The following ZNF25 variants were observed in gnomAD, a reference collection of about 807,000 sequenced individuals.
The protein encoded by ZNF25 is zinc finger protein 25.
In ZNF25, 21 loss-of-function variants were observed where a neutral mutation model predicts 30.9. The ratio of observed to expected loss-of-function variants is 0.68; its 90% CI spans 0.48 to 0.98. The LOEUF is 0.98. Among genes scored for constraint, ZNF25 ranks in the 50% least tolerant of loss-of-function variants. ZNF25 has a pLI of 0.00. For missense variants in ZNF25, 501 were observed against 529.9 expected (o/e 0.95, Z 0.54); for synonymous variants, 169 against 181.3 (o/e 0.93, Z 0.55).
chr10:37,967,171 T>A (rs28800635), intron 2 of ZNF25, among the ~76,000 whole-genome samples: 2 of 152,130 alleles, frequency 1.3e-5, no homozygotes, highest in East Asian at 1.9e-4. Flanking sequence ...AAACTCCCAA[T>A]GGCTTTTGCA....
intron 3 of ZNF25, 30 bp downstream of exon 3, chr10:37,957,389 TG>T (rs1554886157): frequency 2.5e-6 from 4 of 1,604,176 alleles, no homozygotes; most frequent in Non-Finnish European, 3.4e-6. Flanking sequence ...TGCAAACTAC[TG>T]GGATTTACAC....
chr10:37,955,109 G>A (rs1397263331), intron 4 of ZNF25, among the ~76,000 whole-genome samples: 1 of 151,534 alleles, frequency 6.6e-6, no homozygotes, highest in East Asian at 1.9e-4. Context: ...AGCTGAGATC[G>A]CACCACTGCA....
At chr10:37,957,213 C>G in intron 3 of ZNF25, 98 bp from the exon 4 acceptor site, 2 of 1,360,742 alleles carry the variant, frequency 1.5e-6, no homozygotes, top group Non-Finnish European at 2.0e-6. Flanking sequence ...AATGAAGGTT[C>G]CAGTTAGGCT....
At chr10:37,966,510 C>G (rs2063196050) in intron 2 of ZNF25, among the ~76,000 whole-genome samples, 1 of 152,032 alleles carries the variant, frequency 6.6e-6, no homozygotes. Context: ...GGAAGCATGG[C>G]TGTGTAGGCC....
At position 37,963,487 on chromosome 10, in the gene ZNF25, T is replaced by C. The variant is rs188951905; in HGVS notation, c.16-5941A>G. On this transcript the variant is annotated intron_variant, in intron 2 of 5. Transcript: ENST00000302609. ...GGGGAGAAAATGTGTGGCACTTTTTTCTTACTGGCCTACTGATACAGTTTG... is the reference window on the plus strand; with the variant it reads ...GGGGAGAAAATGTGTGGCACTTTTTCCTTACTGGCCTACTGATACAGTTTG... Among the ~76,000 whole-genome samples the C allele has an allele frequency of 1.6e-3, 247 of 152,290 alleles. 3 individuals are homozygous for C. The highest frequency in any genetic ancestry group is 5.6e-3 in the African/African-American group (234 of 41,562).
chr10:37,953,368 T>C (rs1039085606), intron 5 of ZNF25, 173 bp from the exon 6 acceptor site: 5 of 648,626 alleles, frequency 7.7e-6, no homozygotes, highest in South Asian at 4.2e-5. Context: ...ACCTGCACTG[T>C]AGTTTAACAT....
rs1590172651 is a variant in ZNF25, at chr10:37,952,544, T to C, written c.954A>G (p.Glu318=). ...HTGEKPYECK[E]CRKCFYQKSA... The stretch of plus-strand genomic sequence containing the variant: ...ACTTCTGGTAGAAGCATTTCCTACA[T>C]TCCTTACATTCATAGGGTTTCTCTC... The change falls in exon 6 of 6, where the codon GAA becomes GAG. Residue 318 remains glutamate (E), a synonymous_variant. Coordinates refer to ENST00000302609, the MANE Select transcript of ZNF25 (RefSeq NM_145011.4). 1.2e-6 allele frequency: 2 copies of C among 1,613,668 alleles called. No homozygotes were observed. Among genetic ancestry groups the C allele is most frequent in the Non-Finnish European group, 8.5e-7 (1 of 1,179,862 alleles).
intron 4 of ZNF25, 125 bp downstream of exon 4, chr10:37,956,895 A>G: frequency 2.9e-6 from 2 of 699,782 alleles, no homozygotes; most frequent in East Asian, 5.4e-5. Context: ...AGCCTGGACA[A>G]CAAGAGTGAA....
intron 2 of ZNF25, among the ~76,000 whole-genome samples, chr10:37,970,945 G>C (rs941499919): frequency 2.6e-5 from 4 of 152,072 alleles, no homozygotes; most frequent in Non-Finnish European, 5.9e-5. Context: ...CTCCTAAATT[G>C]CTTGAGTTTG....
In ZNF25 at chr10:37,956,989, G is replaced by GT. The variant is rs370409300; in HGVS notation, c.238+30dup. On this transcript the variant is annotated intron_variant, in intron 4 of 5. Transcript: ENST00000302609. The stretch of plus-strand genomic sequence containing the variant: ...GGCAAGAGGCACCAACTACTCACCA[G>GT]TAACATGGGATATAATTTCTTCTAA... 1.9e-5 allele frequency: 30 copies of GT among 1,553,658 alleles called. No individual in the cohort carries two copies. In the African/African-American group the frequency reaches 2.9e-4, roughly 15 times the overall value.
intron 2 of ZNF25, among the ~76,000 whole-genome samples, chr10:37,970,668 A>AGAGGAAGTC (rs1314580964): frequency 3.0e-4 from 45 of 152,284 alleles, no homozygotes; most frequent in Middle Eastern, 3.4e-3. Flanking sequence ...AGGGCCATAC[A>AGAGGAAGTC]TATTCTAGCT....
intron 4 of ZNF25, among the ~76,000 whole-genome samples, chr10:37,954,137 A>T (rs558824838): frequency 6.6e-6 from 1 of 152,344 alleles, no homozygotes; most frequent in South Asian, 2.1e-4. Context: ...TAAGCAAGTT[A>T]AGAAAAACTA....
chr10:37,951,956 C>A lies in ZNF25; in HGVS notation c.*171G>T. ...AAAGCCTAAAATATGATAAAATTTTCTCCCAAATAAATGTACAGAATCTCT... is the reference window on the plus strand; with the variant it reads ...AAAGCCTAAAATATGATAAAATTTTATCCCAAATAAATGTACAGAATCTCT... On this transcript the variant is annotated 3_prime_UTR_variant, in exon 6 of 6. Transcript: ENST00000302609. The A allele has an allele frequency of 2.0e-6, 1 of 507,668 alleles. No individual in the cohort carries two copies. Among genetic ancestry groups the A allele is most frequent in the Admixed American group, 3.8e-5 (1 of 26,376 alleles). 31.4% of individuals were successfully genotyped at this position (507,668 alleles called of 1,614,324 possible).
At chr10:37,964,903 C>T (rs537492584) in intron 2 of ZNF25, among the ~76,000 whole-genome samples, 3 of 152,202 alleles carry the variant, frequency 2.0e-5, no homozygotes, top group Non-Finnish European at 2.9e-5. Context: ...CCTTCCATCA[C>T]AGGCCCAGAG....
At chr10:37,976,052 T>C (rs1283249124) in intron 1 of ZNF25, among the ~76,000 whole-genome samples, 1 of 152,228 alleles carries the variant, frequency 6.6e-6, no homozygotes, top group African/African-American at 2.4e-5. Flanking sequence ...GCATGTTTTG[T>C]AATAATAGAA....
intron 4 of ZNF25, among the ~76,000 whole-genome samples, chr10:37,955,680 A>G (rs534747921): frequency 3.9e-4 from 60 of 152,184 alleles, no homozygotes; most frequent in African/African-American, 1.4e-3. Flanking sequence ...TTATATATTT[A>G]TTATTTCTTT....
rs376053572 is a variant in ZNF25 at position 37,952,641 on chromosome 10, T to C, written c.857A>G (p.Tyr286Cys). 1.9e-6 allele frequency: 3 copies of C among 1,613,442 alleles called. No homozygotes were observed. The African/African-American group carries it at 4.0e-5, about 22-fold the overall frequency. Residue 286 changes from tyrosine to cysteine, a missense_variant, in exon 6 of 6, where the codon TAT becomes TGT. Coordinates refer to ENST00000302609, the MANE Select transcript of ZNF25 (RefSeq NM_145011.4). ...HQRMHTGEKPYKCKECGKFFS... is the reference protein window; with the variant it reads ...HQRMHTGEKPCKCKECGKFFS... The stretch of plus-strand genomic sequence containing the variant: ...GAATTTCCCACATTCCTTACATTTA[T>C]AGGGTTTCTCCCCTGTGTGCATTCT...
chr10:37,960,458 C>CAA (rs762155535), intron 2 of ZNF25, among the ~76,000 whole-genome samples: 5 of 113,746 alleles, frequency 4.4e-5, no homozygotes, highest in Non-Finnish European at 9.5e-5. Context: ...ACTAAAAATA[C>CAA]AAAAAAAAAA....
chr10:37,950,888 T>C lies in ZNF25; in HGVS notation c.*1239A>G, dbSNP rs1564741335. On this transcript the variant is annotated 3_prime_UTR_variant, in exon 6 of 6. Coordinates refer to ENST00000302609, the MANE Select transcript of ZNF25 (RefSeq NM_145011.4). ...GAACATTTAGGACTCTCACACTAAA[T>C]ACAAATGCAGATAGCTCTGCTCCCT... 1 of 152,176 alleles carries C rather than the reference T, an allele frequency of 6.6e-6. No individual in the cohort carries two copies. Among genetic ancestry groups the C allele is most frequent in the Non-Finnish European group, 1.5e-5 (1 of 68,034 alleles). The allele number at this position is 152,176 out of a possible 1,614,324, so 9.4% of individuals were successfully genotyped here.
Sources: gnomAD v4.1 joint callset for allele counts (sites outside exome capture counted in the v4.1 genomes callset) on GRCh38, gnomAD v4.1.1 for gene constraint, MANE v1.5 for transcripts, NCBI Gene and HGNC (gene_info 2026-07-23, HGNC 2026-07-21) for gene names.